The following SH3TC2 variants were observed in gnomAD, a reference collection of about 807,000 sequenced individuals.
SH3TC2 encodes the protein SH3 domain and tetratricopeptide repeat-containing protein 2.
A neutral mutation model predicts 124.5 loss-of-function variants in SH3TC2; 87 were observed. The ratio of observed to expected loss-of-function variants is 0.70; its 90% confidence interval spans 0.59 to 0.84. The LOEUF is 0.84. SH3TC2 is among the 40% of genes least tolerant of loss of function. The pLI is 0.00. For missense variants in SH3TC2, 1,536 were observed against 1,566.4 expected, an observed-to-expected ratio of 0.98 and a Z score of 0.33; for synonymous variants, 634 against 628.5, an observed-to-expected ratio of 1.01 and a Z score of -0.13.
rs1753313949 is a variant in SH3TC2, at chr5:148,985,210, C to T, written c.*19501G>A. Among the ~76,000 whole-genome samples the T allele has an allele frequency of 6.6e-6, 1 of 151,458 alleles. No individual in the cohort carries two copies. The highest frequency in any genetic ancestry group is 2.4e-5 in the African/African-American group (1 of 41,250). The stretch of plus-strand genomic sequence containing the variant: ...AAACACACGCAAAAATATATTACTA[C>T]TCATTTGAGGGTACCCTGTTATGAA... On this transcript the variant is annotated 3_prime_UTR_variant, in exon 17 of 17. Coordinates refer to ENST00000515425, the MANE Select transcript of SH3TC2 (RefSeq NM_024577.4).
At chr5:149,033,854 T>C (rs1754239010) in intron 8 of SH3TC2, among the ~76,000 whole-genome samples, 1 of 152,196 alleles carries the variant, frequency 6.6e-6, no homozygotes, top group African/African-American at 2.4e-5. Context: ...CATTACTCCC[T>C]AAGGTTCCAG....
intron 16 of SH3TC2, among the ~76,000 whole-genome samples, chr5:149,006,414 G>A (rs904547561): frequency 2.0e-5 from 3 of 152,210 alleles, no homozygotes; most frequent in Admixed American, 2.0e-4. Flanking sequence ...CTCATAAAAT[G>A]TAGCTTTACA....
In SH3TC2 at chr5:149,027,554, G is replaced by A; in HGVS notation, c.2178C>T (p.Ser726=). 1 of 1,614,258 alleles carries A rather than the reference G, an allele frequency of 6.2e-7. No homozygotes were observed. Among genetic ancestry groups the A allele is most frequent in the Non-Finnish European group, 8.5e-7 (1 of 1,180,048 alleles). The part of the protein sequence containing the change: ...QNTTKLLGFP[S]PGWGEVSALA... ...AGGCAGAAACTTCACCCCAGCCTGG[G>A]GAAGGAAAGCCAAGGAGCTTGGTTG... The change falls in exon 11 of 17, where the codon TCC becomes TCT. Residue 726 remains serine (S), a synonymous_variant. Transcript: ENST00000515425.
chr5:149,059,531 C>T (rs1435220092), intron 1 of SH3TC2, among the ~76,000 whole-genome samples: 1 of 150,824 alleles, frequency 6.6e-6, no homozygotes, highest in African/African-American at 2.4e-5. Context: ...CCTAACAGAC[C>T]TACCATCAGC....
At chr5:149,018,541 A>G (rs758213568) in intron 12 of SH3TC2, among the ~76,000 whole-genome samples, 8 of 152,188 alleles carry the variant, frequency 5.3e-5, no homozygotes, top group African/African-American at 9.7e-5. Context: ...GTTTCCTGTT[A>G]TAAAACCATC....
Position 148,982,524 on chromosome 5 carries a change from G to A in SH3TC2, c.*22187C>T, listed in dbSNP as rs1369636211. Among the ~76,000 whole-genome samples, 5 of 152,106 alleles carry A rather than the reference G, an allele frequency of 3.3e-5. No individual in the cohort carries two copies. Among genetic ancestry groups the A allele is most frequent in the African/African-American group, 9.7e-5 (4 of 41,402 alleles). ...CACTAGAGAACCAGCTAAATAAACTGTTATTCCCATCATGCAAGGAGATAC... is the reference window on the plus strand; with the variant it reads ...CACTAGAGAACCAGCTAAATAAACTATTATTCCCATCATGCAAGGAGATAC... On this transcript the variant is annotated 3_prime_UTR_variant, in exon 17 of 17. Coordinates refer to ENST00000515425, the MANE Select transcript of SH3TC2 (RefSeq NM_024577.4).
intron 14 of SH3TC2, among the ~76,000 whole-genome samples, chr5:149,010,045 G>A (rs1025475): frequency 2.0e-5 from 3 of 151,968 alleles, no homozygotes; most frequent in Non-Finnish European, 2.9e-5. Flanking sequence ...TGTATTATCC[G>A]AAGAAGGATA....
In SH3TC2 at chr5:149,003,575, C is replaced by G. The variant is rs1753631487; in HGVS notation, c.*1136G>C. 5.4e-6 allele frequency: 1 copy of G among 185,204 alleles called. No individual in the cohort carries two copies. The highest frequency in any genetic ancestry group is 2.4e-5 in the African/African-American group (1 of 42,038). 11.5% of individuals were successfully genotyped at this position (185,204 alleles called of 1,614,324 possible). A position where few individuals can be genotyped will look rare whatever the true frequency, so the allele number is the denominator to read the frequency against. On this transcript the variant is annotated 3_prime_UTR_variant, in exon 17 of 17. Transcript: ENST00000515425. ...CCTAAGCTGGTGGGCTCAGCTAAGT[C>G]ATGCTTGGATTCCTGCCCTTCAGAA...
chr5:149,058,008 G>A (rs1229289379), intron 1 of SH3TC2, among the ~76,000 whole-genome samples: 2 of 152,162 alleles, frequency 1.3e-5, no homozygotes, highest in Non-Finnish European at 2.9e-5. Context: ...ACAGCCTGGA[G>A]CTGTGGCACC....
At position 148,987,807 on chromosome 5, in the gene SH3TC2, A is replaced by ATTTGTG. The variant is rs1194275421; in HGVS notation, c.*16903_*16904insCACAAA. 8.6e-6 allele frequency among the ~76,000 whole-genome samples: 1 copy of ATTTGTG among 116,718 alleles called. No individual in the cohort carries two copies. The highest frequency in any genetic ancestry group is 3.4e-5 in the African/African-American group (1 of 29,566). 76.6% of individuals were successfully genotyped at this position (116,718 alleles called of 152,430 possible). The stretch of plus-strand genomic sequence containing the variant: ...GTCCTCACTCGAGGCCTCATTCAAA[A>ATTTGTG]TCTGTGTGTGTGTGTGTGTGTGTGT... On this transcript the variant is annotated 3_prime_UTR_variant, in exon 17 of 17. Transcript: ENST00000515425.
intron 12 of SH3TC2, among the ~76,000 whole-genome samples, chr5:149,016,069 A>G (rs1318081945): frequency 2.6e-5 from 4 of 152,216 alleles, no homozygotes; most frequent in Admixed American, 6.5e-5. Flanking sequence ...AAAAGTAACA[A>G]TGGTAGTATT....
chr5:149,047,226 C>G (rs1278630505), intron 3 of SH3TC2: 1 of 152,884 alleles, frequency 6.5e-6, no homozygotes, highest in Non-Finnish European at 1.5e-5. Context: ...GGTTTATTTA[C>G]TTTATTGTTT....
intron 12 of SH3TC2, among the ~76,000 whole-genome samples, chr5:149,019,950 GC>G (rs1229680500): frequency 6.6e-6 from 1 of 152,198 alleles, no homozygotes; most frequent in African/African-American, 2.4e-5. Flanking sequence ...TTCCCTGGAA[GC>G]CTCTGCTCAC....
intron 6 of SH3TC2, 108 bp from the exon 7 acceptor site, chr5:149,040,785 C>A (rs1754356460): frequency 1.0e-6 from 1 of 1,000,272 alleles, no homozygotes; most frequent in Non-Finnish European, 1.6e-6. Context: ...TGTTTTTTCT[C>A]TTATTTAAAT....
chr5:148,984,248 A>G lies in SH3TC2; in HGVS notation c.*20463T>C, dbSNP rs77021631. Among the ~76,000 whole-genome samples, 25,444 of 151,926 alleles carry G rather than the reference A, an allele frequency of 0.17. 2,473 individuals are homozygous for G. The highest frequency in any genetic ancestry group is 0.24 in the East Asian group (1,260 of 5,168). On this transcript the variant is annotated 3_prime_UTR_variant, in exon 17 of 17. Transcript: ENST00000515425. ...TTTTTCTTTTTGTTCCTTCGACTGGATAATTTCAAGTGTCCTGTCTTTGAG... is the reference window on the plus strand; with the variant it reads ...TTTTTCTTTTTGTTCCTTCGACTGGGTAATTTCAAGTGTCCTGTCTTTGAG...
At chr5:149,034,000 C>T (rs934143828) in intron 8 of SH3TC2, among the ~76,000 whole-genome samples, 6 of 151,898 alleles carry the variant, frequency 4.0e-5, no homozygotes, top group Admixed American at 6.6e-5. Context: ...CTATTCACAA[C>T]GAGAGCCAGC....
intron 1 of SH3TC2, among the ~76,000 whole-genome samples, chr5:149,061,065 T>C (rs1463505716): frequency 1.3e-5 from 2 of 151,984 alleles, no homozygotes; most frequent in East Asian, 3.9e-4. Flanking sequence ...CAGGGAATAA[T>C]ATGGGGGAAT....
At position 149,053,738 on chromosome 5, in the gene SH3TC2, A is replaced by G. The variant is rs974895244; in HGVS notation, c.53-1498T>C. 5.9e-5 allele frequency among the ~76,000 whole-genome samples: 9 copies of G among 152,318 alleles called. No homozygotes were observed. The East Asian group carries it at 1.2e-3, about 20-fold the overall frequency. On this transcript the variant is annotated intron_variant, in intron 1 of 16. Transcript: ENST00000515425. ...TTTTCACTTTCCCCACTTATAAATG[A>G]AGGACTGATCTAAATTAGTGCCTTT...
intron 1 of SH3TC2, among the ~76,000 whole-genome samples, chr5:149,062,001 C>T (rs1373860387): frequency 6.6e-6 from 1 of 152,024 alleles, no homozygotes; most frequent in African/African-American, 2.4e-5. Context: ...ACTTTAATGA[C>T]CTCAAGTGCC....
Sources: gnomAD v4.1 joint callset for allele counts (sites outside exome capture counted in the v4.1 genomes callset) on GRCh38, gnomAD v4.1.1 for gene constraint, MANE v1.5 for transcripts, NCBI Gene and HGNC (gene_info 2026-07-23, HGNC 2026-07-21) for gene names.